The following ADAMTS13 variants were observed in gnomAD, a reference collection of about 807,000 sequenced individuals.
ADAMTS13 encodes the protein A disintegrin and metalloproteinase with thrombospondin motifs 13.
Under a neutral mutation model 155.1 loss-of-function variants are expected in ADAMTS13, and 110 were observed. The observed-to-expected ratio is 0.71, with a 90% CI of 0.61 to 0.83. The LOEUF (loss-of-function observed/expected upper bound fraction) is 0.83. Among genes scored for constraint, ADAMTS13 ranks in the 40% least tolerant of loss-of-function variants. The probability of loss-of-function intolerance (pLI) is 0.00; values close to 1 mark genes in which losing one functional copy is unlikely to be tolerated. For missense variants in ADAMTS13, 1,707 were observed against 1,891.7 expected, an observed-to-expected ratio of 0.90 and a Z score of 1.81; for synonymous variants, 758 against 756.4, an observed-to-expected ratio of 1.00 and a Z score of -0.03.
At chr9:133,414,676 G>C in intron 1 of ADAMTS13, 6 of 1,613,824 alleles carry the variant, frequency 3.7e-6, no homozygotes, top group Non-Finnish European at 4.2e-6. Context: ...CGGTGGGTGG[G>C]GCTGGGGCTG....
intron 7 of ADAMTS13, among the ~76,000 whole-genome samples, chr9:133,429,297 T>G (rs1588158249): frequency 2.6e-5 from 1 of 38,718 alleles, no homozygotes; most frequent in Non-Finnish European, 5.1e-5. Flanking sequence ...CGCCCACCCC[T>G]GCGTCCTCCC....
At chr9:133,458,705 G>A (rs1842906466) in intron 28 of ADAMTS13, among the ~76,000 whole-genome samples, 1 of 152,120 alleles carries the variant, frequency 6.6e-6, no homozygotes, top group East Asian at 1.9e-4. Flanking sequence ...GAGGTTTCAA[G>A]TGTCCTGGGA....
At position 133,455,373 on chromosome 9, in the gene ADAMTS13, G is replaced by T. The variant is rs1554795445; in HGVS notation, c.3338G>T (p.Cys1113Phe). 6.2e-7 allele frequency: 1 copy of T among 1,612,234 alleles called. No homozygotes were observed. Among genetic ancestry groups the T allele is most frequent in the South Asian group, 1.1e-5 (1 of 91,078 alleles). ...QAQAPVPADF[C>F]QHLPKPVTVR... is the part of the protein sequence containing the mutation. The stretch of plus-strand genomic sequence containing the variant: ...CAGGCGCCTGTGCCAGCTGATTTCT[G>T]CCAGCACTTGCCCAAGCCGGTGACT... The change falls in exon 25 of 29, where the codon TGC (cysteine) becomes TTC (phenylalanine). Residue 1113 changes from cysteine (C) to phenylalanine (F), a missense_variant. Around this residue, in one of 3 missense-constraint regions of ADAMTS13, gnomAD observed 961 missense variants for 1,107.9 expected, o/e 0.87. Coordinates refer to ENST00000355699, the MANE Select transcript of ADAMTS13 (RefSeq NM_139027.6).
Position 133,441,071 on chromosome 9 carries a change from G to A in ADAMTS13, c.1968+546G>A, listed in dbSNP as rs587645279. 1.3e-5 allele frequency among the ~76,000 whole-genome samples: 2 copies of A among 152,260 alleles called. No homozygotes were observed. The highest frequency in any genetic ancestry group is 2.1e-4 in the South Asian group (1 of 4,830). ...CTTTGGTGCAGTGTGTGTGGGAACC[G>A]GAAGGCCTTGTTCAGGCGTGTCCTC... On this transcript the variant is annotated intron_variant, in intron 16 of 28. Transcript: ENST00000355699. The surrounding 1 kb of genome is among the most constrained non-coding windows in gnomAD (Gnocchi z 5.0).
rs377683598 is a variant in ADAMTS13, at chr9:133,424,314, C to T, written c.173-7C>T. ...CATCGCCCTCTGCTCTCCCTCTCCC[C>T]CTCCAGGCCGCCCTCCTTCCCCTGG... On this transcript the variant is annotated splice_region_variant and splice_polypyrimidine_tract_variant and intron_variant, in intron 2 of 28. Transcript: ENST00000355699. The surrounding 1 kb of genome is among the most constrained non-coding windows in gnomAD (Gnocchi z 4.3). 4 of 1,611,920 alleles carry T rather than the reference C, an allele frequency of 2.5e-6. No individual in the cohort carries two copies. Among genetic ancestry groups the T allele is most frequent in the East Asian group, 2.2e-5 (1 of 44,864 alleles).
At chr9:133,436,983 G>A (rs1554789288) in intron 12 of ADAMTS13, 28 bp downstream of exon 12, 2 of 1,587,608 alleles carry the variant, frequency 1.3e-6, no homozygotes, top group Non-Finnish European at 1.7e-6. Context: ...TGGGGTTGGG[G>A]GAGGAGCCAG....
In ADAMTS13 at chr9:133,445,072, G is replaced by T; in HGVS notation, c.2610+20G>T. 6.2e-7 allele frequency: 1 copy of T among 1,609,246 alleles called. No individual in the cohort carries two copies. Among genetic ancestry groups the T allele is most frequent in the Non-Finnish European group, 8.5e-7 (1 of 1,178,880 alleles). ...GGCCATGTGAGTGCCCTGGGCATGA[G>T]GGTGGCTGGGGCTGTTGAGTCCTTT... On this transcript the variant is annotated intron_variant, in intron 20 of 28. Transcript: ENST00000355699. This position sits in a 1 kb window ranked among gnomAD's most constrained non-coding sequence, Gnocchi z 5.0.
chr9:133,423,200 AG>A (rs1564406565), intron 2 of ADAMTS13, 33 bp downstream of exon 2: 1 of 1,599,396 alleles, frequency 6.3e-7, no homozygotes, highest in African/African-American at 1.3e-5. Context: ...TCCCGGGGGG[AG>A]TTTCTCAGGA....
At chr9:133,422,087 T>C (rs34265876), upstream of ADAMTS13, 21,280 of 294,420 alleles carry the variant, frequency 0.072, 914 homozygotes, top group African/African-American at 0.086. Context: ...TGGCATTCCT[T>C]GTGAACCCCC....
At chr9:133,429,779 G>A (rs1326228448) in intron 7 of ADAMTS13, 160 bp from the exon 8 acceptor site, 6 of 1,002,726 alleles carry the variant, frequency 6.0e-6, no homozygotes, top group East Asian at 2.6e-5. Flanking sequence ...TCCCAGCCAA[G>A]AGCCGGCTCC....
chr9:133,420,600 C>T (rs587673082), upstream of ADAMTS13, among the ~76,000 whole-genome samples: 416 of 152,288 alleles, frequency 2.7e-3, 2 homozygotes, highest in African/African-American at 9.7e-3. Context: ...AGGTCACAGT[C>T]GATGGGTTGA....
At position 133,442,853 on chromosome 9, in the gene ADAMTS13, G is replaced by T. The variant is rs587730573; in HGVS notation, c.2234+110G>T. 2.1e-6 allele frequency: 3 copies of T among 1,453,752 alleles called. No individual in the cohort carries two copies. In the African/African-American group the frequency reaches 4.2e-5, roughly 21 times the overall value. The allele number at this position is 1,453,752 out of a possible 1,614,324, so 90.1% of individuals were successfully genotyped here. A position where few individuals can be genotyped will look rare whatever the true frequency, so the allele number is the denominator to read the frequency against. On this transcript the variant is annotated intron_variant, in intron 18 of 28. Transcript: ENST00000355699. ...CCATGTGGCAGGGCCGGGCTGAGCT[G>T]CTCCTGTGCAGGCTCTCATTACCCC...
At chr9:133,452,710 A>G (rs1842507544) in intron 23 of ADAMTS13, among the ~76,000 whole-genome samples, 1 of 151,646 alleles carries the variant, frequency 6.6e-6, no homozygotes, top group Admixed American at 6.6e-5. Flanking sequence ...GGGTCTCACT[A>G]TGTTGCCCAG....
chr9:133,442,311 A>G, intron 16 of ADAMTS13, 88 bp from the exon 17 acceptor site: 1 of 1,595,790 alleles, frequency 6.3e-7, no homozygotes, highest in Admixed American at 1.7e-5. Context: ...GGATGCAAGA[A>G]GAAGTTGGAA....
chr9:133,443,472 G>A lies in ADAMTS13; in HGVS notation c.2331G>A (p.Leu777=). The A allele has an allele frequency of 1.3e-6, 2 of 1,591,752 alleles. No homozygotes were observed. Among genetic ancestry groups the A allele is most frequent in the South Asian group, 1.1e-5 (1 of 88,438 alleles). The stretch of plus-strand genomic sequence containing the variant: ...GCGTGGAGGCCCAGGGCAGCCTCCT[G>A]AAGACATTGCCCCCAGCCCGGTGCA... The part of the protein sequence containing the change: ...VRCVEAQGSL[L]KTLPPARCRA... The change falls in exon 19 of 29, where the codon CTG becomes CTA. Residue 777 remains leucine (L), a synonymous_variant. Transcript: ENST00000355699.
At chr9:133,429,173 C>T (rs1486334191) in intron 7 of ADAMTS13, among the ~76,000 whole-genome samples, 1 of 111,234 alleles carries the variant, frequency 9.0e-6, no homozygotes. Context: ...CTGCACCCAC[C>T]CCCCCGTCCC....
At chr9:133,417,560 C>T (rs1839731079), upstream of ADAMTS13, 1 of 1,559,876 alleles carries the variant, frequency 6.4e-7, no homozygotes, top group South Asian at 1.1e-5. Flanking sequence ...GTCTTTCCCT[C>T]CGTCGCGTTC....
At chr9:133,450,565 C>CAA (rs924514326) in intron 23 of ADAMTS13, among the ~76,000 whole-genome samples, 12 of 74,800 alleles carry the variant, frequency 1.6e-4, no homozygotes, top group South Asian at 1.3e-3. Context: ...AACTCCATCT[C>CAA]AAAAAAAAAA....
chr9:133,459,071 A>T lies in ADAMTS13; in HGVS notation c.4007A>T (p.Glu1336Val), dbSNP rs2130965181. 6.2e-7 allele frequency: 1 copy of T among 1,612,940 alleles called. No individual in the cohort carries two copies. Among genetic ancestry groups the T allele is most frequent in the East Asian group, 2.2e-5 (1 of 44,874 alleles). Reference protein sequence around the residue: ...ESSQAEMEFSEGFLKAQASLR... With the variant: ...ESSQAEMEFSVGFLKAQASLR... The stretch of plus-strand genomic sequence containing the variant: ...AGCCAGGCTGAGATGGAGTTCAGCG[A>T]GGGCTTCCTGAAGGCTCAGGCCAGC... The change falls in exon 29 of 29, where the codon GAG becomes GTG. Residue 1336 changes from glutamate to valine, a missense_variant. Glu to Val is a moderately radical substitution (Grantham distance 121, BLOSUM62 -2). Coordinates refer to ENST00000355699, the MANE Select transcript of ADAMTS13 (RefSeq NM_139027.6).
Sources: allele counts gnomAD v4.1 joint callset (sites outside exome capture counted in the v4.1 genomes callset), GRCh38; gene constraint gnomAD v4.1.1; regional missense constraint gnomAD v4.1.1; non-coding constraint Gnocchi (gnomAD v3.1); transcripts MANE v1.5; gene names NCBI Gene and HGNC (gene_info 2026-07-23, HGNC 2026-07-21).